Variants in AUTS2 observed in about 807,000 individuals in gnomAD.
AUTS2 encodes the protein activator of transcription and developmental regulator AUTS2, also known as autism susceptibility gene 2 protein.
A neutral mutation model predicts 112.4 loss-of-function variants in AUTS2; 17 were observed. The observed-to-expected ratio is 0.15, with a 90% CI of 0.10 to 0.23. The LOEUF (loss-of-function observed/expected upper bound fraction) is 0.23. Among genes scored for constraint, AUTS2 ranks in the 10% least tolerant of loss-of-function variants. The pLI is 1.00. For missense variants in AUTS2, 1,510 were observed against 1,701.6 expected (o/e 0.89, Z 1.98); for synonymous variants, 751 against 702.7 (o/e 1.07, Z -1.09).
In AUTS2 at chr7:70,458,027, A is replaced by G. The variant is rs551265236; in HGVS notation, c.690+22246A>G. Among the ~76,000 whole-genome samples the G allele has an allele frequency of 6.7e-4, 100 of 148,682 alleles. No homozygotes were observed. In the East Asian group the frequency reaches 0.01, roughly 15 times the overall value. ...GAGGGGCCTAGAAAAGGCTGAACAC[A>G]AAGCCCCACAACCGCCAAATTCCCT... is the stretch of plus-strand genomic sequence containing the variant. On this transcript the variant is annotated intron_variant, in intron 5 of 18. Transcript: ENST00000342771.
chr7:70,460,597 C>T (rs1004461389), intron 5 of AUTS2, among the ~76,000 whole-genome samples: 8 of 151,966 alleles, frequency 5.3e-5, no homozygotes, highest in Admixed American at 3.3e-4. Flanking sequence ...GTGATCCACC[C>T]GCTTCAACCT....
chr7:69,990,903 T>C (rs1003730513), intron 2 of AUTS2, among the ~76,000 whole-genome samples: 1 of 152,216 alleles, frequency 6.6e-6, no homozygotes, highest in Non-Finnish European at 1.5e-5. Context: ...GCATTTTGGA[T>C]TTTCGATTTT....
At chr7:69,926,940 A>G (rs1339406653) in intron 2 of AUTS2, among the ~76,000 whole-genome samples, 6 of 146,798 alleles carry the variant, frequency 4.1e-5, no homozygotes, top group Non-Finnish European at 9.0e-5. Flanking sequence ...ATATCTTTAT[A>G]TATATAAAGA....
At chr7:69,885,075 C>A (rs535660085) in intron 1 of AUTS2, among the ~76,000 whole-genome samples, 24 of 152,178 alleles carry the variant, frequency 1.6e-4, no homozygotes, top group Non-Finnish European at 1.0e-4. Flanking sequence ...AGAGTCATAG[C>A]TGTGTGAACA....
chr7:69,667,543 A>C (rs1258844630), intron 1 of AUTS2, among the ~76,000 whole-genome samples: 1 of 151,630 alleles, frequency 6.6e-6, no homozygotes, highest in Non-Finnish European at 1.5e-5. Context: ...TTTAGTAGAG[A>C]TGGGGTTTCG....
At chr7:70,475,983 C>G (rs1188528178) in intron 5 of AUTS2, among the ~76,000 whole-genome samples, 1 of 152,108 alleles carries the variant, frequency 6.6e-6, no homozygotes, top group Non-Finnish European at 1.5e-5. Flanking sequence ...GAGCCAAGAT[C>G]ACACCACTGC....
intron 4 of AUTS2, among the ~76,000 whole-genome samples, chr7:70,299,612 G>T (rs1789110817): frequency 6.6e-6 from 1 of 152,074 alleles, no homozygotes; most frequent in Non-Finnish European, 1.5e-5. Context: ...ACCACAGCCT[G>T]AACTTTCAGC....
At chr7:70,179,074 A>G (rs1809159203) in intron 4 of AUTS2, among the ~76,000 whole-genome samples, 1 of 152,102 alleles carries the variant, frequency 6.6e-6, no homozygotes, top group Non-Finnish European at 1.5e-5. Flanking sequence ...TACCAGAGTC[A>G]GTTGGAATGC....
chr7:70,326,453 A>G (rs1030673950), intron 4 of AUTS2, among the ~76,000 whole-genome samples: 3 of 152,174 alleles, frequency 2.0e-5, no homozygotes, highest in African/African-American at 4.8e-5. Flanking sequence ...CTCTCCTTCA[A>G]CATGGCTTAA....
intron 5 of AUTS2, among the ~76,000 whole-genome samples, chr7:70,573,514 C>T (rs956702797): frequency 1.3e-5 from 2 of 152,178 alleles, no homozygotes; most frequent in Non-Finnish European, 2.9e-5. Context: ...TTTGCTAAGA[C>T]TTTCACACGC....
intron 2 of AUTS2, among the ~76,000 whole-genome samples, chr7:69,981,269 G>A (rs954313178): frequency 2.0e-5 from 3 of 152,124 alleles, no homozygotes; most frequent in Non-Finnish European, 4.4e-5. Context: ...TTTTACAAAG[G>A]AAACGAAGAT....
chr7:70,463,013 TC>T (rs1339403466), intron 5 of AUTS2, among the ~76,000 whole-genome samples: 1 of 152,118 alleles, frequency 6.6e-6, no homozygotes, highest in Non-Finnish European at 1.5e-5. Flanking sequence ...CATTTGGTTC[TC>T]CAACTACCTG....
chr7:69,899,549 A>G (rs1427853897), intron 2 of AUTS2, 51 bp downstream of exon 2: 2 of 1,562,784 alleles, frequency 1.3e-6, no homozygotes, highest in East Asian at 2.2e-5. Context: ...TCCCTTCCTT[A>G]GGTGCTTCCT....
intron 4 of AUTS2, among the ~76,000 whole-genome samples, chr7:70,325,954 T>C (rs2129618400): frequency 6.6e-6 from 1 of 152,318 alleles, no homozygotes; most frequent in East Asian, 1.9e-4. Context: ...GACTCAGCAA[T>C]CAAACTGTTC....
At chr7:70,724,995 CT>C (rs988854634) in intron 6 of AUTS2, among the ~76,000 whole-genome samples, 1 of 152,150 alleles carries the variant, frequency 6.6e-6, no homozygotes, top group Non-Finnish European at 1.5e-5. Context: ...TTAGCACATG[CT>C]TGTGCAGGGG....
At chr7:70,712,361 G>A (rs1434393259) in intron 6 of AUTS2, among the ~76,000 whole-genome samples, 1 of 151,834 alleles carries the variant, frequency 6.6e-6, no homozygotes, top group Non-Finnish European at 1.5e-5. Flanking sequence ...TCCACATCTT[G>A]ATATGTCAGG....
In AUTS2 at chr7:69,964,333, G is replaced by A. The variant is rs533159455; in HGVS notation, c.522+64835G>A. On this transcript the variant is annotated intron_variant, in intron 2 of 18. Coordinates refer to ENST00000342771, the MANE Select transcript of AUTS2 (RefSeq NM_015570.4). The stretch of plus-strand genomic sequence containing the variant: ...GTCAGTTCGCAGCCTGGAAGGCACA[G>A]CCTTTTCCAGGACACTAAATAGGGC... Among the ~76,000 whole-genome samples the A allele has an allele frequency of 3.3e-5, 5 of 152,282 alleles. No homozygotes were observed. In the South Asian group the frequency reaches 8.3e-4, roughly 25 times the overall value.
chr7:70,540,863 A>G (rs960151963), intron 5 of AUTS2, among the ~76,000 whole-genome samples: 2 of 152,170 alleles, frequency 1.3e-5, no homozygotes, highest in African/African-American at 4.8e-5. Flanking sequence ...AGGTTGTCTA[A>G]TGCCAGCCTC....
In AUTS2 at chr7:69,903,092, TATC is replaced by T. The variant is rs1029888837; in HGVS notation, c.522+3597_522+3599del. Among the ~76,000 whole-genome samples the T allele has an allele frequency of 2.8e-4, 43 of 152,310 alleles. No homozygotes were observed. In the Middle Eastern group the frequency reaches 0.01, roughly 36 times the overall value. Reference sequence around the variant, plus strand: ...CTTAGACATGATATAAAAAAAGTTTTATCATTTACTTACAAGGACATGGTACTT... The same window carrying T: ...CTTAGACATGATATAAAAAAAGTTTTATTTACTTACAAGGACATGGTACTT... On this transcript the variant is annotated intron_variant, in intron 2 of 18. Transcript: ENST00000342771.
Sources: allele counts gnomAD v4.1 joint callset (sites outside exome capture counted in the v4.1 genomes callset), GRCh38; gene constraint gnomAD v4.1.1; transcripts MANE v1.5; gene names NCBI Gene and HGNC (gene_info 2026-07-23, HGNC 2026-07-21).